LDB2: variants seen among roughly 807,000 people sequenced by gnomAD.
The protein encoded by LDB2 is LIM domain-binding protein 2.
A neutral mutation model predicts 44.3 loss-of-function variants in LDB2; 12 were observed. That is an observed-to-expected ratio of 0.27 (90% confidence interval 0.17 to 0.44). The LOEUF is 0.44. LDB2 is among the 20% of genes least tolerant of loss of function. The pLI is 1.00. For missense variants in LDB2, 344 were observed against 473.5 expected, an observed-to-expected ratio of 0.73 and a Z score of 2.54; for synonymous variants, 164 against 174.8, an observed-to-expected ratio of 0.94 and a Z score of 0.49.
rs1750408654 is a variant in LDB2 at position 16,690,484 on chromosome 4, AGGGAGGGAGGG to A, written c.235+68663_235+68673del. ...CAGGAAGGAAGGAAGGAAGGAAGGGAGGGAGGGAGGGAGGGAGGGAGGGAGGGAGGGAGGGG... is the reference window on the plus strand; with the variant it reads ...CAGGAAGGAAGGAAGGAAGGAAGGGAAGGGAGGGAGGGAGGGAGGGAGGGG... On this transcript the variant is annotated intron_variant, in intron 2 of 7. Transcript: ENST00000304523. Among the ~76,000 whole-genome samples the A allele has an allele frequency of 8.3e-4, 5 of 6,014 alleles. 1 individual carries two copies. The highest frequency in any genetic ancestry group is 1.2e-3 in the Non-Finnish European group (3 of 2,476). 3.9% of individuals were successfully genotyped at this position (6,014 alleles called of 152,430 possible). A position where few individuals can be genotyped will look rare whatever the true frequency, so the allele number is the denominator to read the frequency against.
chr4:16,798,721 A>G (rs939739792), intron 1 of LDB2, among the ~76,000 whole-genome samples: 13 of 152,156 alleles, frequency 8.5e-5, no homozygotes, highest in Middle Eastern at 3.2e-3. Context: ...CCTCCCTACA[A>G]CGTGGAAGAC....
chr4:16,860,091 GC>G (rs1452715822), intron 1 of LDB2, among the ~76,000 whole-genome samples: 2 of 152,150 alleles, frequency 1.3e-5, no homozygotes, highest in Non-Finnish European at 2.9e-5. Context: ...TCAAAGTGCA[GC>G]CCTAACCTGG....
intron 2 of LDB2, among the ~76,000 whole-genome samples, chr4:16,606,264 A>T (rs1723911198): frequency 6.6e-6 from 1 of 152,200 alleles, no homozygotes; most frequent in South Asian, 2.1e-4. Flanking sequence ...TAAATGCAGC[A>T]TTGTATTCTA....
chr4:16,719,917 A>G (rs1179519332), intron 2 of LDB2, among the ~76,000 whole-genome samples: 1 of 152,166 alleles, frequency 6.6e-6, no homozygotes, highest in Admixed American at 6.6e-5. Flanking sequence ...ATCTAATGAC[A>G]CTAAACAACT....
At chr4:16,626,217 T>A (rs996075989) in intron 2 of LDB2, among the ~76,000 whole-genome samples, 1 of 152,216 alleles carries the variant, frequency 6.6e-6, no homozygotes, top group Non-Finnish European at 1.5e-5. Context: ...TCTCTTTCCA[T>A]CTGCCTCATT....
At chr4:16,679,592 G>A (rs1325265629) in intron 2 of LDB2, among the ~76,000 whole-genome samples, 1 of 152,184 alleles carries the variant, frequency 6.6e-6, no homozygotes. Context: ...AACAGGAGCA[G>A]ATGTGGGATT....
In LDB2 at chr4:16,588,718, C is replaced by T. The variant is rs1717878870; in HGVS notation, c.523G>A (p.Ala175Thr). 2 of 1,613,184 alleles carry T rather than the reference C, an allele frequency of 1.2e-6. No individual in the cohort carries two copies. Among genetic ancestry groups the T allele is most frequent in the Non-Finnish European group, 1.7e-6 (2 of 1,179,624 alleles). The change falls in exon 4 of 8, where the codon GCC becomes ACC. Residue 175 changes from alanine to threonine, a missense_variant. Around this residue, in one of 3 missense-constraint regions of LDB2, gnomAD observed 226 missense variants for 270.1 expected, o/e 0.84. Transcript: ENST00000304523. ...GAAATTAAATTACTTACATGCATGG[C>T]TAGGATGCTTCTCGGGACTAACTCT... Reference protein sequence around the residue: ...YRELVPRSILAMHAQDPQVLD... With the variant: ...YRELVPRSILTMHAQDPQVLD...
At chr4:16,742,078 T>TC (rs200383665) in intron 2 of LDB2, among the ~76,000 whole-genome samples, 1,988 of 134,768 alleles carry the variant, frequency 0.015, 28 homozygotes, top group African/African-American at 0.054. Context: ...TCTTTTCTTT[T>TC]TTTTTTTTTT....
rs1483394396 is a variant in LDB2, at chr4:16,730,474, G to C, written c.235+28684C>G. ...ATGATAAAGACTCAAAAACTATATT[G>C]CTTACCAGATTACAGATTTTTAAAA... On this transcript the variant is annotated intron_variant, in intron 2 of 7. Transcript: ENST00000304523. Among the ~76,000 whole-genome samples, 3 of 152,136 alleles carry C rather than the reference G, an allele frequency of 2.0e-5. No individual in the cohort carries two copies. The East Asian group carries it at 5.8e-4, about 29-fold the overall frequency.
chr4:16,576,578 G>A (rs1225343211), intron 5 of LDB2, among the ~76,000 whole-genome samples: 1 of 152,136 alleles, frequency 6.6e-6, no homozygotes, highest in African/African-American at 2.4e-5. Context: ...TAACAAGATT[G>A]AAGCTATAAT....
intron 5 of LDB2, among the ~76,000 whole-genome samples, chr4:16,549,704 A>G (rs1736964905): frequency 2.0e-5 from 3 of 152,174 alleles, no homozygotes; most frequent in Admixed American, 6.5e-5. Context: ...CTCAGTGTAT[A>G]CTATCTGCCC....
chr4:16,554,361 T>G (rs1738765396), intron 5 of LDB2, among the ~76,000 whole-genome samples: 2 of 151,976 alleles, frequency 1.3e-5, no homozygotes, highest in Non-Finnish European at 2.9e-5. Flanking sequence ...GCCGAAATGG[T>G]TTTTGAAACT....
chr4:16,632,206 C>A (rs1468938180), intron 2 of LDB2, among the ~76,000 whole-genome samples: 1 of 152,176 alleles, frequency 6.6e-6, no homozygotes, highest in African/African-American at 2.4e-5. Flanking sequence ...GAAACTGAAT[C>A]CAGCAGCACA....
At chr4:16,544,200 A>G (rs532353469) in intron 5 of LDB2, among the ~76,000 whole-genome samples, 1 of 152,306 alleles carries the variant, frequency 6.6e-6, no homozygotes, top group Admixed American at 6.5e-5. Context: ...TTGAGGAGCA[A>G]TTGGAGAAAA....
intron 2 of LDB2, among the ~76,000 whole-genome samples, chr4:16,608,877 C>A (rs543854698): frequency 5.1e-4 from 77 of 152,300 alleles, no homozygotes; most frequent in African/African-American, 1.7e-3. Context: ...TTGCAGGTCA[C>A]AGCTCAGGCT....
At position 16,886,381 on chromosome 4, in the gene LDB2, G is replaced by A. The variant is rs181376736; in HGVS notation, c.132+11973C>T. Among the ~76,000 whole-genome samples, 796 of 152,140 alleles carry A rather than the reference G, an allele frequency of 5.2e-3. 4 individuals are homozygous for A. Among genetic ancestry groups the A allele is most frequent in the Non-Finnish European group, 7.6e-3 (514 of 68,006 alleles). On this transcript the variant is annotated intron_variant, in intron 1 of 7. Transcript: ENST00000304523. ...ATATTTTAAGAAGATTTAAGGACAC[G>A]GTAAAATACTCATAATTTTACTTAA... is the stretch of plus-strand genomic sequence containing the variant.
chr4:16,581,437 A>G, intron 5 of LDB2: 1 of 985,260 alleles, frequency 1.0e-6, no homozygotes, highest in Non-Finnish European at 1.2e-6. Context: ...GAAAAAAAAA[A>G]TCTTTTGAAT....
chr4:16,871,553 T>G (rs984394861), intron 1 of LDB2, among the ~76,000 whole-genome samples: 1 of 152,128 alleles, frequency 6.6e-6, no homozygotes, highest in Non-Finnish European at 1.5e-5. Context: ...TCTCTGTTGT[T>G]TCATTGTCTT....
At chr4:16,674,461 C>A in intron 2 of LDB2, 2 of 386,942 alleles carry the variant, frequency 5.2e-6, no homozygotes, top group Admixed American at 6.3e-5. Flanking sequence ...ACGTATTGGG[C>A]TCTATGTGGC....
Sources: allele counts gnomAD v4.1 joint callset (sites outside exome capture counted in the v4.1 genomes callset), GRCh38; gene constraint gnomAD v4.1.1; regional missense constraint gnomAD v4.1.1; transcripts MANE v1.5; gene names NCBI Gene and HGNC (gene_info 2026-07-23, HGNC 2026-07-21).